ST7: variants seen among roughly 807,000 people sequenced by gnomAD.
ST7 encodes the protein suppressor of tumorigenicity 7 protein.
ST7 carries 28 observed loss-of-function variants against 78.7 expected under a neutral mutation model. The ratio of observed to expected loss-of-function variants is 0.36; its 90% CI spans 0.26 to 0.49. The LOEUF is 0.49. ST7 is among the 20% of genes least tolerant of loss of function. ST7 has a pLI of 0.99. For missense variants in ST7, 418 were observed against 696.0 expected, an observed-to-expected ratio of 0.60 and a Z score of 4.49; for synonymous variants, 247 against 249.6, an observed-to-expected ratio of 0.99 and a Z score of 0.10.
At chr7:117,028,646 C>T (rs1291095526) in intron 1 of ST7, among the ~76,000 whole-genome samples, 1 of 152,222 alleles carries the variant, frequency 6.6e-6, no homozygotes, top group Non-Finnish European at 1.5e-5. Flanking sequence ...TGCTACACAA[C>T]AAACTACCTC....
intron 11 of ST7, among the ~76,000 whole-genome samples, 177 bp downstream of exon 11, chr7:117,189,570 A>G (rs753368926): frequency 1.4e-4 from 22 of 152,226 alleles, no homozygotes; most frequent in Non-Finnish European, 2.2e-4. Context: ...GTATATCCTC[A>G]GGTAATGTAA....
chr7:117,037,821 TC>T (rs373194396), intron 1 of ST7, among the ~76,000 whole-genome samples: 3 of 152,332 alleles, frequency 2.0e-5, no homozygotes, highest in African/African-American at 7.2e-5. Context: ...AGCTCTCTTC[TC>T]AATGGCCAGT....
In ST7 at chr7:117,200,465, GA is replaced by G. The variant is rs910209735; in HGVS notation, c.1255-9315del. The stretch of plus-strand genomic sequence containing the variant: ...TGCTGTAGACAGAGCTGCTGAGGGG[GA>G]AAAAAATAAAGAAAAATTGCCAGCA... On this transcript the variant is annotated intron_variant, in intron 12 of 15. Coordinates refer to ENST00000323984, the MANE Select transcript of ST7 (RefSeq NM_001369598.1). Among the ~76,000 whole-genome samples, 101 of 152,238 alleles carry G rather than the reference GA, an allele frequency of 6.6e-4. 1 individual carries two copies. Among genetic ancestry groups the G allele is most frequent in the Middle Eastern group, 6.8e-3 (2 of 294 alleles).
At chr7:117,187,292 G>T (rs1306478061) in intron 10 of ST7, among the ~76,000 whole-genome samples, 1 of 152,182 alleles carries the variant, frequency 6.6e-6, no homozygotes, top group African/African-American at 2.4e-5. Context: ...CACTAATGGG[G>T]AATGGGGTAT....
chr7:117,194,412 C>T (rs1185502532), intron 12 of ST7, among the ~76,000 whole-genome samples: 2 of 152,218 alleles, frequency 1.3e-5, no homozygotes, highest in African/African-American at 2.4e-5. Flanking sequence ...TGCCCCTTCA[C>T]CACCCCCATT....
At chr7:117,150,650 A>G (rs1806172252) in intron 9 of ST7, among the ~76,000 whole-genome samples, 1 of 151,226 alleles carries the variant, frequency 6.6e-6, no homozygotes. Flanking sequence ...TCCCTGTGAC[A>G]CTCCCTTTCC....
At chr7:117,032,070 T>C (rs1796628416) in intron 1 of ST7, among the ~76,000 whole-genome samples, 2 of 151,588 alleles carry the variant, frequency 1.3e-5, no homozygotes, top group African/African-American at 4.8e-5. Context: ...TTAGTAGAGA[T>C]GAGGTTTAGC....
intron 2 of ST7, among the ~76,000 whole-genome samples, chr7:117,117,679 G>T (rs528082528): frequency 1.1e-4 from 17 of 152,224 alleles, no homozygotes; most frequent in African/African-American, 4.1e-4. Context: ...CATAAAGTGG[G>T]GTGCCTCATG....
chr7:116,989,626 T>C lies in ST7; in HGVS notation c.151+35935T>C, dbSNP rs1261558791. 2.6e-5 allele frequency among the ~76,000 whole-genome samples: 4 copies of C among 151,020 alleles called. No individual in the cohort carries two copies. In the East Asian group the frequency reaches 7.8e-4, roughly 29 times the overall value. ...GGCTGAGGTGGGAGGATTGCTTGAG[T>C]CCGGGAGTTTGAGACCAGCATGGGC... On this transcript the variant is annotated intron_variant, in intron 1 of 15. Coordinates refer to ENST00000323984, the MANE Select transcript of ST7 (RefSeq NM_001369598.1).
intron 1 of ST7, among the ~76,000 whole-genome samples, chr7:117,069,858 A>T (rs1293397383): frequency 6.6e-6 from 1 of 152,188 alleles, no homozygotes; most frequent in Non-Finnish European, 1.5e-5. Context: ...TGCCCTTGGC[A>T]GCTGGACCAC....
intron 3 of ST7, among the ~76,000 whole-genome samples, chr7:117,126,993 A>G (rs1286277866): frequency 6.6e-6 from 1 of 151,864 alleles, no homozygotes; most frequent in African/African-American, 2.4e-5. Context: ...TGCACTGTGA[A>G]TTGCTGCATA....
chr7:116,972,842 C>T (rs1793501761), intron 1 of ST7: 2 of 1,134,964 alleles, frequency 1.8e-6, no homozygotes, highest in Non-Finnish European at 2.6e-6. Flanking sequence ...CGCTCCTCTG[C>T]ATCATCTGCC....
At chr7:117,226,565 C>A (rs1276434952) in intron 15 of ST7, among the ~76,000 whole-genome samples, 3 of 152,190 alleles carry the variant, frequency 2.0e-5, no homozygotes, top group Non-Finnish European at 4.4e-5. Context: ...CGCAGAAATA[C>A]AACTGAGCAT....
intron 2 of ST7, among the ~76,000 whole-genome samples, chr7:117,108,440 A>G (rs776090245): frequency 3.3e-5 from 5 of 152,154 alleles, no homozygotes; most frequent in Non-Finnish European, 5.9e-5. Context: ...ATTCTGTTTC[A>G]TAGGTCTATA....
intron 1 of ST7, among the ~76,000 whole-genome samples, chr7:117,004,435 C>T (rs944351450): frequency 4.6e-5 from 7 of 151,896 alleles, no homozygotes; most frequent in Non-Finnish European, 8.8e-5. Flanking sequence ...ATGAGGTAGG[C>T]GGATCATATG....
chr7:117,023,665 T>A (rs1460020292), intron 1 of ST7, among the ~76,000 whole-genome samples: 1 of 152,244 alleles, frequency 6.6e-6, no homozygotes, highest in Non-Finnish European at 1.5e-5. Context: ...GCTTTGAAGA[T>A]ATACAGTTTT....
At chr7:117,105,486 T>G (rs576311961) in intron 2 of ST7, among the ~76,000 whole-genome samples, 2 of 152,272 alleles carry the variant, frequency 1.3e-5, no homozygotes, top group South Asian at 2.1e-4. Context: ...CTCCCTATAT[T>G]GCCCAGGCTG....
chr7:117,061,210 G>A (rs551316639), intron 1 of ST7, among the ~76,000 whole-genome samples: 2 of 152,086 alleles, frequency 1.3e-5, no homozygotes, highest in African/African-American at 2.4e-5. Context: ...AGGAGTTTTG[G>A]GTCTCTGAGA....
chr7:117,209,661 T>G, intron 12 of ST7, 126 bp from the exon 13 acceptor site: 9 of 1,067,336 alleles, frequency 8.4e-6, no homozygotes, highest in South Asian at 1.5e-5. Flanking sequence ...AATGTAGTAA[T>G]GAGGTTGCAG....
Sources: allele counts gnomAD v4.1 joint callset (sites outside exome capture counted in the v4.1 genomes callset), GRCh38; gene constraint gnomAD v4.1.1; transcripts MANE v1.5; gene names NCBI Gene and HGNC (gene_info 2026-07-23, HGNC 2026-07-21).